DNMBP: variants seen among roughly 807,000 people sequenced by gnomAD.
DNMBP encodes dynamin-binding protein.
Under a neutral mutation model 150.0 loss-of-function variants are expected in DNMBP, and 87 were observed. The ratio of observed to expected loss-of-function variants is 0.58; its 90% CI spans 0.49 to 0.69. DNMBP has a LOEUF of 0.69. Among genes scored for constraint, DNMBP ranks in the 30% least tolerant of loss-of-function variants. DNMBP has a pLI of 0.00. For synonymous variants in DNMBP, 711 were observed against 750.4 expected (o/e 0.95, Z 0.86); for missense variants, 1,774 against 1,949.0 (o/e 0.91, Z 1.69).
At chr10:99,984,229 G>A (rs1589449258) in intron 1 of DNMBP, among the ~76,000 whole-genome samples, 1 of 152,114 alleles carries the variant, frequency 6.6e-6, no homozygotes, top group East Asian at 1.9e-4. Flanking sequence ...AAAGTTTGAG[G>A]AAATTTACAT....
intron 6 of DNMBP, among the ~76,000 whole-genome samples, chr10:99,906,242 C>G (rs1405561453): frequency 1.3e-5 from 2 of 152,126 alleles, no homozygotes; most frequent in African/African-American, 4.8e-5. Context: ...TAGCCATCAG[C>G]TTAGCTGCAT....
rs2039269967 is a variant in DNMBP at position 99,876,226 on chromosome 10, C to T, written c.*925G>A. Reference sequence around the variant, plus strand: ...AGGAAAATCTATCAATTATTGAGTCCAGGGCAGGGGGGCCACCAGACATCA... The same window carrying T: ...AGGAAAATCTATCAATTATTGAGTCTAGGGCAGGGGGGCCACCAGACATCA... On this transcript the variant is annotated 3_prime_UTR_variant, in exon 17 of 17. Transcript: ENST00000324109. The T allele has an allele frequency of 1.3e-5, 2 of 152,158 alleles. No homozygotes were observed. Among genetic ancestry groups the T allele is most frequent in the Non-Finnish European group, 2.9e-5 (2 of 68,056 alleles). 9.4% of individuals were successfully genotyped at this position (152,158 alleles called of 1,614,324 possible).
intron 4 of DNMBP, among the ~76,000 whole-genome samples, chr10:99,948,169 T>C (rs747515760): frequency 1.3e-5 from 2 of 152,224 alleles, no homozygotes; most frequent in Non-Finnish European, 2.9e-5. Flanking sequence ...TATTAAAATA[T>C]ATAATCATAT....
chr10:99,918,583 T>TTTTTTTA (rs2039991521), intron 4 of DNMBP, among the ~76,000 whole-genome samples: 1 of 151,214 alleles, frequency 6.6e-6, no homozygotes, highest in African/African-American at 2.4e-5. Flanking sequence ...TCTTTTTTTT[T>TTTTTTTA]TTTGAAAAGG....
At chr10:100,004,587 T>C (rs574340382) in intron 1 of DNMBP, among the ~76,000 whole-genome samples, 17 of 152,234 alleles carry the variant, frequency 1.1e-4, no homozygotes, top group African/African-American at 3.9e-4. Context: ...TTAGAAAAAC[T>C]GGGTCATTAA....
intron 1 of DNMBP, 58 bp downstream of exon 1, chr10:100,009,780 C>G (rs1469980131): frequency 1.3e-5 from 2 of 149,342 alleles, no homozygotes; most frequent in Admixed American, 6.7e-5. Context: ...GGCCCCGGAC[C>G]GCGACCCCCG....
chr10:99,917,894 A>C (rs1483126676), intron 4 of DNMBP, among the ~76,000 whole-genome samples: 2 of 150,318 alleles, frequency 1.3e-5, no homozygotes, highest in Non-Finnish European at 3.0e-5. Flanking sequence ...CCTTAAACCC[A>C]GGAAGCAGAG....
rs2040649371 is a variant in DNMBP, at chr10:99,969,100, T to G, written c.268+15A>C. ...ATCTAATTTCAAATAGTCTACTATT[T>G]GATGAGCAGCTTACCTCGATGGAGG... On this transcript the variant is annotated intron_variant, in intron 3 of 16. Transcript: ENST00000324109. The G allele has an allele frequency of 6.2e-7, 1 of 1,613,496 alleles. No individual in the cohort carries two copies.
chr10:99,928,492 C>T (rs534576610), intron 4 of DNMBP, among the ~76,000 whole-genome samples: 1 of 152,136 alleles, frequency 6.6e-6, no homozygotes, highest in Non-Finnish European at 1.5e-5. Context: ...CAACATACAG[C>T]ATACACACAC....
At chr10:99,900,092 T>C (rs958020220) in intron 6 of DNMBP, 26 bp from the exon 7 acceptor site, 2 of 1,612,888 alleles carry the variant, frequency 1.2e-6, no homozygotes, top group Non-Finnish European at 1.7e-6. Context: ...AAACATACAG[T>C]GTTTTTAGTA....
chr10:99,906,716 A>G (rs902346338), intron 6 of DNMBP, among the ~76,000 whole-genome samples: 2 of 152,168 alleles, frequency 1.3e-5, no homozygotes, highest in Admixed American at 1.3e-4. Context: ...CTTTCTTGGA[A>G]GTAGATCCCT....
At chr10:100,004,508 T>C (rs1234527322) in intron 1 of DNMBP, among the ~76,000 whole-genome samples, 1 of 152,110 alleles carries the variant, frequency 6.6e-6, no homozygotes, top group East Asian at 1.9e-4. Context: ...AGTGTATCCA[T>C]GGAAACCACA....
At chr10:99,963,459 C>T (rs1224143110) in intron 3 of DNMBP, among the ~76,000 whole-genome samples, 3 of 152,166 alleles carry the variant, frequency 2.0e-5, no homozygotes, top group Non-Finnish European at 4.4e-5. Context: ...CCCTGGGGTC[C>T]TAGGTGATTC....
chr10:99,973,019 T>C (rs944076558), intron 1 of DNMBP, among the ~76,000 whole-genome samples: 6 of 152,030 alleles, frequency 3.9e-5, no homozygotes, highest in African/African-American at 1.4e-4. Context: ...TGGCCTCAAG[T>C]GATCTGCCCA....
intron 2 of DNMBP, among the ~76,000 whole-genome samples, chr10:99,969,865 A>G (rs889318509): frequency 5.3e-5 from 8 of 152,062 alleles, no homozygotes; most frequent in Admixed American, 2.0e-4. Context: ...GACCTTCCAA[A>G]TGCTTCCCTG....
rs548081346 is a variant in DNMBP, at chr10:99,960,343, T to G, written c.269-3138A>C. On this transcript the variant is annotated intron_variant, in intron 3 of 16. Transcript: ENST00000324109. The stretch of plus-strand genomic sequence containing the variant: ...CTATACTTTTATAGTTAAAATTTCT[T>G]TCTCACTCAGTACCCAAGTCAGAGG... Among the ~76,000 whole-genome samples, 4 of 152,294 alleles carry G rather than the reference T, an allele frequency of 2.6e-5. No individual in the cohort carries two copies. The East Asian group carries it at 7.7e-4, about 29-fold the overall frequency.
intron 6 of DNMBP, among the ~76,000 whole-genome samples, chr10:99,907,204 G>A (rs1393261693): frequency 6.6e-6 from 1 of 151,856 alleles, no homozygotes; most frequent in African/African-American, 2.4e-5. Context: ...GCACATGCCT[G>A]TATTCCCAGC....
intron 3 of DNMBP, among the ~76,000 whole-genome samples, chr10:99,963,930 C>T (rs1301414798): frequency 6.6e-6 from 1 of 152,074 alleles, no homozygotes; most frequent in African/African-American, 2.4e-5. Context: ...CATGGCATCA[C>T]AAATTTATAA....
At chr10:99,955,092 G>A in intron 4 of DNMBP, 122 bp downstream of exon 4, 4 of 782,426 alleles carry the variant, frequency 5.1e-6, no homozygotes, top group Non-Finnish European at 8.2e-6. Flanking sequence ...ATTAGGTAAT[G>A]AAAATGTAAA....
Sources: allele counts gnomAD v4.1 joint callset (sites outside exome capture counted in the v4.1 genomes callset), GRCh38; gene constraint gnomAD v4.1.1; transcripts MANE v1.5; gene names NCBI Gene and HGNC (gene_info 2026-07-23, HGNC 2026-07-21).